SIRT5: variants seen among roughly 807,000 people sequenced by gnomAD.
The protein encoded by SIRT5 is sirtuin 5, also known as NAD-dependent protein deacylase sirtuin-5, mitochondrial.
SIRT5 carries 26 observed loss-of-function variants against 40.0 expected under a neutral mutation model. The ratio of observed to expected loss-of-function variants is 0.65; its 90% CI spans 0.48 to 0.90. The LOEUF is 0.90. Among genes scored for constraint, SIRT5 ranks in the 40% least tolerant of loss-of-function variants. The pLI is 0.00. For synonymous variants in SIRT5, 146 were observed against 149.1 expected, an observed-to-expected ratio of 0.98 and a Z score of 0.15; for missense variants, 401 against 402.4, an observed-to-expected ratio of 1.00 and a Z score of 0.03.
chr6:13,588,585 C>T, intron 4 of SIRT5, 121 bp downstream of exon 4: 1 of 1,217,116 alleles, frequency 8.2e-7, no homozygotes, highest in African/African-American at 1.5e-5. Context: ...AACTGTGACC[C>T]TATTGTCTCA....
chr6:13,585,989 G>A (rs1483603852), intron 3 of SIRT5, among the ~76,000 whole-genome samples: 1 of 152,120 alleles, frequency 6.6e-6, no homozygotes, highest in South Asian at 2.1e-4. Flanking sequence ...TTCTCTGATG[G>A]CCAGTGATGA....
intron 5 of SIRT5, among the ~76,000 whole-genome samples, chr6:13,594,416 C>T (rs1761318909): frequency 6.6e-6 from 1 of 152,216 alleles, no homozygotes; most frequent in African/African-American, 2.4e-5. Flanking sequence ...CCCCTGTCCC[C>T]CTCCTTCTTT....
chr6:13,608,876 G>A (rs541177337), intron 9 of SIRT5, among the ~76,000 whole-genome samples: 3 of 150,824 alleles, frequency 2.0e-5, no homozygotes, highest in African/African-American at 7.3e-5. Flanking sequence ...AGGCTGGAGT[G>A]CAGGGTGCAG....
chr6:13,574,603 T>G lies in SIRT5; in HGVS notation c.-336T>G, dbSNP rs201186948. 2.0e-5 allele frequency: 3 copies of G among 152,454 alleles called. No individual in the cohort carries two copies. 9.4% of individuals were successfully genotyped at this position (152,454 alleles called of 1,614,324 possible). A position where few individuals can be genotyped will look rare whatever the true frequency, so the allele number is the denominator to read the frequency against. On this transcript the variant is annotated 5_prime_UTR_variant, in exon 1 of 10. The change creates a new upstream start codon in the 5' untranslated region. Transcript: ENST00000606117. ...GGGGGCGGGGCGTGGGAGACTGTAT[T>G]CGGGGGCGCGAGCTGCCCCAGGTGA...
intron 9 of SIRT5, among the ~76,000 whole-genome samples, chr6:13,609,289 AT>A (rs1180895518): frequency 6.6e-6 from 1 of 152,236 alleles, no homozygotes; most frequent in Non-Finnish European, 1.5e-5. Flanking sequence ...AGGTTTATTG[AT>A]TTAATGCAAT....
intron 8 of SIRT5, among the ~76,000 whole-genome samples, chr6:13,600,393 A>G (rs1762216131): frequency 6.6e-6 from 1 of 152,228 alleles, no homozygotes. Flanking sequence ...AGAAAACCTA[A>G]GAGGACATAC....
At chr6:13,602,295 A>G (rs1418417176) in intron 9 of SIRT5, among the ~76,000 whole-genome samples, 1 of 152,206 alleles carries the variant, frequency 6.6e-6, no homozygotes, top group African/African-American at 2.4e-5. Context: ...AGCCAAAACA[A>G]AATGAAAAAT....
At chr6:13,606,776 G>A (rs1478101546) in intron 9 of SIRT5, among the ~76,000 whole-genome samples, 1 of 152,044 alleles carries the variant, frequency 6.6e-6, no homozygotes, top group African/African-American at 2.4e-5. Context: ...TTGCCTCCCG[G>A]GCTCAAGCAG....
At chr6:13,579,198 G>A (rs527886522) in intron 1 of SIRT5, among the ~76,000 whole-genome samples, 7 of 152,230 alleles carry the variant, frequency 4.6e-5, no homozygotes, top group Non-Finnish European at 1.0e-4. Flanking sequence ...AGACTTTGTA[G>A]TAGTATCTTA....
At chr6:13,608,288 A>T (rs939856874) in intron 9 of SIRT5, among the ~76,000 whole-genome samples, 2 of 152,164 alleles carry the variant, frequency 1.3e-5, no homozygotes, top group Non-Finnish European at 2.9e-5. Flanking sequence ...ATTTTTATGC[A>T]TGAAAATCTT....
rs1015189338 is a variant in SIRT5 at position 13,599,259 on chromosome 6, C to T, written c.741+104C>T. ...CTCCCTCCCTTGCTTCTTTCCTTCC[C>T]GCCTTCTCTCCTCCCTCCATTTCTT... is the stretch of plus-strand genomic sequence containing the variant. On this transcript the variant is annotated intron_variant, in intron 8 of 9. Coordinates refer to ENST00000606117, the MANE Select transcript of SIRT5 (RefSeq NM_012241.5). 109 of 1,213,300 alleles carry T rather than the reference C, an allele frequency of 9.0e-5. No homozygotes were observed. The East Asian group carries it at 1.8e-3, about 21-fold the overall frequency. The allele number at this position is 1,213,300 out of a possible 1,614,324, so 75.2% of individuals were successfully genotyped here.
At chr6:13,582,224 C>T (rs1467291039) in intron 2 of SIRT5, among the ~76,000 whole-genome samples, 3 of 152,168 alleles carry the variant, frequency 2.0e-5, no homozygotes, top group African/African-American at 7.2e-5. Flanking sequence ...CCTTACATAG[C>T]GTTTCCCACC....
intron 9 of SIRT5, among the ~76,000 whole-genome samples, chr6:13,604,002 T>G (rs558895551): frequency 3.4e-4 from 52 of 152,274 alleles, no homozygotes; most frequent in Non-Finnish European, 2.9e-5. Flanking sequence ...GGCAGATCAA[T>G]AGAGAGAAGG....
chr6:13,601,022 CCTA>C, intron 9 of SIRT5, 73 bp downstream of exon 9: 1 of 1,130,428 alleles, frequency 8.8e-7, no homozygotes, highest in Non-Finnish European at 1.3e-6. Flanking sequence ...ACATAGTTGA[CCTA>C]CTCCTCTAAT....
chr6:13,606,452 C>G (rs1244861400), intron 9 of SIRT5, among the ~76,000 whole-genome samples: 1 of 152,052 alleles, frequency 6.6e-6, no homozygotes, highest in Middle Eastern at 3.2e-3. Context: ...GTGAAGAGGT[C>G]ACTGCTTTGA....
intron 3 of SIRT5, among the ~76,000 whole-genome samples, chr6:13,585,651 A>G (rs1342503642): frequency 6.6e-6 from 1 of 152,174 alleles, no homozygotes; most frequent in Non-Finnish European, 1.5e-5. Context: ...ACTGATGGAC[A>G]TTTAGGTTGG....
chr6:13,584,177 G>A lies in SIRT5; in HGVS notation c.67G>A (p.Ala23Thr), dbSNP rs2127623801. 6.2e-7 allele frequency: 1 copy of A among 1,614,150 alleles called. No individual in the cohort carries two copies. Among genetic ancestry groups the A allele is most frequent in the Non-Finnish European group, 8.5e-7 (1 of 1,180,024 alleles). Residue 23 changes from alanine (A) to threonine (T), a missense_variant, in exon 3 of 10, where the codon GCG becomes ACG. Ala to Thr is a moderately conservative substitution (Grantham distance 58). Transcript: ENST00000606117. Reference sequence around the variant, plus strand: ...GCTATATTGTGGCCTGAAGCCTCCAGCGTCCACACGAAACCAGATTTGCCT... The same window carrying A: ...GCTATATTGTGGCCTGAAGCCTCCAACGTCCACACGAAACCAGATTTGCCT... ...SQLYCGLKPPASTRNQICLKM... is the reference protein window; with the variant it reads ...SQLYCGLKPPTSTRNQICLKM...
chr6:13,611,558 A>G (rs1227947228), intron 9 of SIRT5, among the ~76,000 whole-genome samples: 1 of 147,020 alleles, frequency 6.8e-6, no homozygotes, highest in Non-Finnish European at 1.5e-5. Context: ...AATTCTAGAC[A>G]TTTGCTTCTC....
chr6:13,583,666 T>C (rs1161598546), intron 2 of SIRT5, among the ~76,000 whole-genome samples: 1 of 152,234 alleles, frequency 6.6e-6, no homozygotes, highest in Non-Finnish European at 1.5e-5. Flanking sequence ...ATTTTAGTGG[T>C]CCTCAAACTT....
Sources: gnomAD v4.1 joint callset for allele counts (sites outside exome capture counted in the v4.1 genomes callset) on GRCh38, gnomAD v4.1.1 for gene constraint, MANE v1.5 for transcripts, NCBI Gene and HGNC (gene_info 2026-07-23, HGNC 2026-07-21) for gene names.